The following MET variants were observed in gnomAD, a reference collection of about 807,000 sequenced individuals.
MET encodes hepatocyte growth factor receptor.
MET carries 48 observed loss-of-function variants against 133.1 expected under a neutral mutation model. The ratio of observed to expected loss-of-function variants is 0.36; its 90% CI spans 0.29 to 0.46. The LOEUF is 0.46. MET is among the 20% of genes least tolerant of loss of function. MET has a pLI of 1.00. For missense variants in MET, 1,442 were observed against 1,695.9 expected (o/e 0.85, Z 2.63); for synonymous variants, 628 against 616.5 (o/e 1.02, Z -0.28).
chr7:116,689,991 G>A (rs1796722188), intron 1 of MET, among the ~76,000 whole-genome samples: 1 of 152,098 alleles, frequency 6.6e-6, no homozygotes, highest in South Asian at 2.1e-4. Context: ...TTGAACCGAG[G>A]TTAGAGGAAA....
At chr7:116,788,970 A>G (rs1470068059) in intron 19 of MET, among the ~76,000 whole-genome samples, 2 of 152,206 alleles carry the variant, frequency 1.3e-5, no homozygotes, top group Non-Finnish European at 2.9e-5. Flanking sequence ...TTGTAATTGT[A>G]TTATACGTTG....
chr7:116,745,861 T>C (rs1289435740), intron 5 of MET, among the ~76,000 whole-genome samples: 2 of 152,198 alleles, frequency 1.3e-5, no homozygotes, highest in African/African-American at 4.8e-5. Context: ...ATTCAGGACA[T>C]AGGCGTGGGC....
Position 116,796,304 on chromosome 7 carries a change from G to A in MET, c.*180G>A. 1.5e-6 allele frequency: 1 copy of A among 668,084 alleles called. No individual in the cohort carries two copies. Among genetic ancestry groups the A allele is most frequent in the Middle Eastern group, 4.1e-4 (1 of 2,458 alleles). The allele number at this position is 668,084 out of a possible 1,614,324, so 41.4% of individuals were successfully genotyped here. A position where few individuals can be genotyped will look rare whatever the true frequency, so the allele number is the denominator to read the frequency against. Reference sequence around the variant, plus strand: ...CTTATCTGACAGAGCATCAGAACCAGAGGCTTGGTCCCACAGGCCACGGAC... The same window carrying A: ...CTTATCTGACAGAGCATCAGAACCAAAGGCTTGGTCCCACAGGCCACGGAC... On this transcript the variant is annotated 3_prime_UTR_variant, in exon 21 of 21. Coordinates refer to ENST00000397752, the MANE Select transcript of MET (RefSeq NM_000245.4).
At chr7:116,724,987 T>A in intron 2 of MET, 1 of 654,562 alleles carries the variant, frequency 1.5e-6, no homozygotes, top group South Asian at 2.0e-5. Context: ...ATGCAACTCA[T>A]CAATGCCTCC....
intron 3 of MET, among the ~76,000 whole-genome samples, chr7:116,732,985 T>A (rs894705079): frequency 6.6e-6 from 1 of 152,090 alleles, no homozygotes; most frequent in Non-Finnish European, 1.5e-5. Context: ...CCCCTAGTAA[T>A]CTCCCTTCTA....
chr7:116,776,144 A>C (rs1253799789), intron 15 of MET, among the ~76,000 whole-genome samples: 2 of 152,126 alleles, frequency 1.3e-5, no homozygotes, highest in Non-Finnish European at 2.9e-5. Context: ...ATGTGCTGCA[A>C]GAGGTTGTAC....
intron 1 of MET, among the ~76,000 whole-genome samples, chr7:116,695,004 G>A (rs145688984): frequency 2.0e-5 from 3 of 152,158 alleles, no homozygotes; most frequent in African/African-American, 7.2e-5. Context: ...AAGAAAAAAT[G>A]TCATTCACAC....
chr7:116,697,634 C>CTATTTGTT (rs1457066927), intron 1 of MET, among the ~76,000 whole-genome samples: 1 of 152,136 alleles, frequency 6.6e-6, no homozygotes, highest in Non-Finnish European at 1.5e-5. Flanking sequence ...TATTCAGTAT[C>CTATTTGTT]TATTTGTTTA....
chr7:116,769,940 T>C (rs1197924272), intron 12 of MET, 149 bp downstream of exon 12: 1 of 1,189,042 alleles, frequency 8.4e-7, no homozygotes, highest in Non-Finnish European at 1.2e-6. Context: ...ATTTTAGAAA[T>C]AGTGAGCTTT....
intron 2 of MET, among the ~76,000 whole-genome samples, chr7:116,723,973 G>GAGGC (rs1336739355): frequency 1.3e-5 from 2 of 152,258 alleles, no homozygotes; most frequent in African/African-American, 4.8e-5. Context: ...GGAGCCTACA[G>GAGGC]AGGCAGGCAG....
chr7:116,758,685 A>C, intron 9 of MET, 65 bp downstream of exon 9: 2 of 1,526,836 alleles, frequency 1.3e-6, no homozygotes, highest in Non-Finnish European at 1.8e-6. Flanking sequence ...GCTGTAGAAT[A>C]GTCAAGAGGA....
At chr7:116,748,004 G>C (rs1405065544) in intron 5 of MET, among the ~76,000 whole-genome samples, 1 of 152,258 alleles carries the variant, frequency 6.6e-6, no homozygotes, top group Non-Finnish European at 1.5e-5. Context: ...CCAGCACTTT[G>C]GGAGGCTGAG....
chr7:116,790,627 C>A (rs949570419), intron 19 of MET, among the ~76,000 whole-genome samples: 10 of 152,138 alleles, frequency 6.6e-5, no homozygotes, highest in African/African-American at 2.4e-4. Context: ...TATATACACA[C>A]AGAGACAGGA....
At position 116,775,124 on chromosome 7, in the gene MET, ACTCAG is replaced by A. The variant is rs1176703445; in HGVS notation, c.3259+16_3259+20del. On this transcript the variant is annotated intron_variant, in intron 15 of 20. Transcript: ENST00000397752. ...GTCATAGGAAGAGGTAAGTATTTCCACTCAGCTTTTTGTTAAATACGATTTTCCAG... is the reference window on the plus strand; with the variant it reads ...GTCATAGGAAGAGGTAAGTATTTCCACTTTTTGTTAAATACGATTTTCCAG... 1 of 1,612,504 alleles carries A rather than the reference ACTCAG, an allele frequency of 6.2e-7. No homozygotes were observed. The highest frequency in any genetic ancestry group is 8.5e-7 in the Non-Finnish European group (1 of 1,178,680).
chr7:116,752,934 G>A (rs931180758), intron 5 of MET, among the ~76,000 whole-genome samples: 1 of 152,098 alleles, frequency 6.6e-6, no homozygotes, highest in African/African-American at 2.4e-5. Context: ...AGAGAGTCCT[G>A]GGAGGGTTGG....
At chr7:116,681,938 CAA>C (rs59578108) in intron 1 of MET, among the ~76,000 whole-genome samples, 1 of 144,858 alleles carries the variant, frequency 6.9e-6, no homozygotes, top group African/African-American at 2.5e-5. Flanking sequence ...AGATTGTTGA[CAA>C]AAAAAAAAAC....
chr7:116,704,558 CA>C (rs1266741708), intron 2 of MET, among the ~76,000 whole-genome samples: 2 of 152,084 alleles, frequency 1.3e-5, no homozygotes, highest in Non-Finnish European at 1.5e-5. Flanking sequence ...CTATTGTTTA[CA>C]AGTCTTTCAC....
rs1796003852 is a variant in MET at position 116,672,389 on chromosome 7, C to G, written c.-203C>G. ...GGCGGGGCGCTGGGCTCAGCCCGGC[C>G]GCAGGTGACCCGGAGGCCCTCGCCG... On this transcript the variant is annotated 5_prime_UTR_variant, in exon 1 of 21. Transcript: ENST00000397752. 2.7e-6 allele frequency: 1 copy of G among 375,742 alleles called. No homozygotes were observed. Among genetic ancestry groups the G allele is most frequent in the South Asian group, 1.3e-4 (1 of 7,698 alleles). 23.3% of individuals were successfully genotyped at this position (375,742 alleles called of 1,614,324 possible).
chr7:116,740,636 T>C (rs1190433463), intron 4 of MET, among the ~76,000 whole-genome samples: 1 of 152,168 alleles, frequency 6.6e-6, no homozygotes, highest in Non-Finnish European at 1.5e-5. Context: ...TGGACAATAA[T>C]GTTACTTTTT....
Sources: gnomAD v4.1 joint callset for allele counts (sites outside exome capture counted in the v4.1 genomes callset) on GRCh38, gnomAD v4.1.1 for gene constraint, MANE v1.5 for transcripts, NCBI Gene and HGNC (gene_info 2026-07-23, HGNC 2026-07-21) for gene names.